Variants in KCNIP4 observed in about 807,000 individuals in gnomAD.
KCNIP4 encodes potassium voltage-gated channel interacting protein 4.
KCNIP4 carries 12 observed loss-of-function variants against 34.0 expected under a neutral mutation model. That is an observed-to-expected ratio of 0.35 (90% CI 0.23 to 0.57). KCNIP4 has a LOEUF of 0.57. Among genes scored for constraint, KCNIP4 ranks in the 20% least tolerant of loss-of-function variants. The pLI, the probability that KCNIP4 is intolerant of heterozygous loss-of-function variation, is 0.83. For synonymous variants in KCNIP4, 124 were observed against 102.2 expected (o/e 1.21, Z -1.29); for missense variants, 238 against 311.7 (o/e 0.76, Z 1.78).
intron 1 of KCNIP4, among the ~76,000 whole-genome samples, chr4:21,555,704 C>A (rs887600039): frequency 6.6e-6 from 1 of 151,070 alleles, no homozygotes; most frequent in Non-Finnish European, 1.5e-5. Flanking sequence ...AGGTAGATTT[C>A]TTTGTCATGC....
intron 2 of KCNIP4, among the ~76,000 whole-genome samples, chr4:20,851,622 A>AT (rs77922078): frequency 0.35 from 53,424 of 151,960 alleles, 10,390 homozygotes; most frequent in Admixed American, 0.46. Context: ...ACCTTCCACA[A>AT]TGGTTGAACT....
intron 1 of KCNIP4, among the ~76,000 whole-genome samples, chr4:21,341,027 A>C (rs1716711715): frequency 6.6e-6 from 1 of 152,142 alleles, no homozygotes; most frequent in Non-Finnish European, 1.5e-5. Flanking sequence ...GTGGGCCCTA[A>C]TTTCAATAAA....
intron 1 of KCNIP4, among the ~76,000 whole-genome samples, chr4:21,158,093 C>A (rs1753284449): frequency 6.6e-6 from 1 of 151,524 alleles, no homozygotes; most frequent in Non-Finnish European, 1.5e-5. Context: ...TAAAAACAAC[C>A]AAATTTTACT....
At chr4:21,391,412 T>G (rs1035940709) in intron 1 of KCNIP4, among the ~76,000 whole-genome samples, 3 of 152,142 alleles carry the variant, frequency 2.0e-5, no homozygotes, top group Admixed American at 6.6e-5. Flanking sequence ...AGCTCAGTAA[T>G]TTTTTGATGC....
chr4:21,254,302 G>A (rs569951745), intron 1 of KCNIP4, among the ~76,000 whole-genome samples: 23 of 152,220 alleles, frequency 1.5e-4, no homozygotes, highest in South Asian at 6.2e-4. Context: ...ACTATGCATT[G>A]CCTTCAATCA....
intron 1 of KCNIP4, among the ~76,000 whole-genome samples, chr4:21,925,315 T>A (rs1729178161): frequency 6.7e-6 from 1 of 149,832 alleles, no homozygotes; most frequent in African/African-American, 2.5e-5. Context: ...TTCCCACCTA[T>A]GAGTGAGAAC....
At chr4:20,862,710 A>G (rs962037280) in intron 2 of KCNIP4, among the ~76,000 whole-genome samples, 1 of 152,176 alleles carries the variant, frequency 6.6e-6, no homozygotes, top group Non-Finnish European at 1.5e-5. Flanking sequence ...AAAGGCATGG[A>G]ATCAACCTAA....
At chr4:21,332,761 T>C (rs1715786745) in intron 1 of KCNIP4, among the ~76,000 whole-genome samples, 2 of 152,002 alleles carry the variant, frequency 1.3e-5, no homozygotes, top group African/African-American at 4.8e-5. Context: ...ATATCTGTCC[T>C]CCTTGTTTCT....
intron 1 of KCNIP4, among the ~76,000 whole-genome samples, chr4:21,812,016 CA>C (rs754091468): frequency 2.6e-5 from 4 of 152,268 alleles, no homozygotes; most frequent in Non-Finnish European, 5.9e-5. Context: ...TATTTACAAG[CA>C]ATCATGTGCT....
At chr4:21,166,276 C>T (rs1302865893) in intron 1 of KCNIP4, among the ~76,000 whole-genome samples, 1 of 152,072 alleles carries the variant, frequency 6.6e-6, no homozygotes, top group African/African-American at 2.4e-5. Context: ...CTTCCACCAA[C>T]AAAGATGTAC....
chr4:21,736,608 A>G (rs1202105201), intron 1 of KCNIP4, among the ~76,000 whole-genome samples: 1 of 152,198 alleles, frequency 6.6e-6, no homozygotes, highest in Admixed American at 6.5e-5. Context: ...ACTCAAATTC[A>G]GACATCAAAT....
At chr4:21,463,715 T>C (rs1033046839) in intron 1 of KCNIP4, among the ~76,000 whole-genome samples, 4 of 152,074 alleles carry the variant, frequency 2.6e-5, no homozygotes, top group Admixed American at 2.0e-4. Context: ...AGGATAATGC[T>C]AGCTCCTAGA....
intron 5 of KCNIP4, among the ~76,000 whole-genome samples, chr4:20,739,025 C>G (rs1383964221): frequency 6.6e-6 from 1 of 152,174 alleles, no homozygotes; most frequent in Non-Finnish European, 1.5e-5. Flanking sequence ...TGCAAGGCAA[C>G]AGTGAGGCTG....
chr4:20,812,328 A>G (rs567850954), intron 3 of KCNIP4, among the ~76,000 whole-genome samples: 7 of 152,268 alleles, frequency 4.6e-5, no homozygotes, highest in African/African-American at 1.7e-4. Flanking sequence ...CCAGGAGGGC[A>G]GGTGAGGTGA....
intron 1 of KCNIP4, among the ~76,000 whole-genome samples, chr4:21,061,204 T>C (rs1005282501): frequency 2.0e-5 from 3 of 152,138 alleles, no homozygotes; most frequent in African/African-American, 7.2e-5. Flanking sequence ...TACATGTGCA[T>C]CTGTATTAAC....
intron 1 of KCNIP4, among the ~76,000 whole-genome samples, chr4:20,906,474 G>T (rs182456216): frequency 1.4e-3 from 217 of 152,252 alleles, no homozygotes; most frequent in African/African-American, 4.9e-3. Context: ...CAGGCAACAC[G>T]TTTCTGCCAT....
At chr4:21,362,836 T>G (rs1719366861) in intron 1 of KCNIP4, among the ~76,000 whole-genome samples, 1 of 152,132 alleles carries the variant, frequency 6.6e-6, no homozygotes, top group Non-Finnish European at 1.5e-5. Flanking sequence ...ATCCCGCCGT[T>G]TATATGCATC....
intron 1 of KCNIP4, among the ~76,000 whole-genome samples, chr4:21,048,335 C>T (rs1474419400): frequency 6.6e-6 from 1 of 152,188 alleles, no homozygotes; most frequent in Non-Finnish European, 1.5e-5. Flanking sequence ...ATGGAAGAGG[C>T]TGTTCACTGG....
chr4:21,620,627 A>G (rs549584055), intron 1 of KCNIP4, among the ~76,000 whole-genome samples: 6 of 152,336 alleles, frequency 3.9e-5, no homozygotes, highest in African/African-American at 1.4e-4. Context: ...TAGAAAATGA[A>G]AAAGAAAAAA....
Sources: allele counts gnomAD v4.1 joint callset (sites outside exome capture counted in the v4.1 genomes callset), GRCh38; gene constraint gnomAD v4.1.1; transcripts MANE v1.5; gene names NCBI Gene and HGNC (gene_info 2026-07-23, HGNC 2026-07-21).